Variants in LINGO1 observed in about 807,000 individuals in gnomAD.
The protein encoded by LINGO1 is leucine-rich repeat and immunoglobulin-like domain-containing nogo receptor-interacting protein 1.
A neutral mutation model predicts 37.3 loss-of-function variants in LINGO1; 11 were observed. The observed-to-expected ratio is 0.29, with a 90% CI of 0.19 to 0.49. The LOEUF (loss-of-function observed/expected upper bound fraction) is 0.49, where lower values mean the gene tolerates loss of function less well. Among genes scored for constraint, LINGO1 ranks in the 20% least tolerant of loss-of-function variants. LINGO1 has a pLI of 0.99. For missense variants in LINGO1, 585 were observed against 878.2 expected, an observed-to-expected ratio of 0.67 and a Z score of 4.22; for synonymous variants, 387 against 403.0, an observed-to-expected ratio of 0.96 and a Z score of 0.48.
intron 2 of LINGO1, among the ~76,000 whole-genome samples, chr15:77,702,133 C>T (rs907571944): frequency 6.6e-6 from 1 of 152,166 alleles, no homozygotes; most frequent in Admixed American, 6.5e-5. Flanking sequence ...AAGGCTTTTG[C>T]ACCTGGGAGA....
intron 3 of LINGO1, among the ~76,000 whole-genome samples, chr15:77,657,619 C>T (rs1317830615): frequency 2.0e-5 from 3 of 152,158 alleles, no homozygotes; most frequent in Admixed American, 6.5e-5. Flanking sequence ...GGTCACACAG[C>T]GAGCCTGGGG....
chr15:77,663,744 C>T (rs1017783433), intron 3 of LINGO1, among the ~76,000 whole-genome samples: 2 of 152,184 alleles, frequency 1.3e-5, no homozygotes, highest in African/African-American at 2.4e-5. Flanking sequence ...ACCACTCTGC[C>T]GCTCATATCC....
At chr15:77,616,606 G>A (rs1280223954) in intron 1 of LINGO1, among the ~76,000 whole-genome samples, 1 of 152,158 alleles carries the variant, frequency 6.6e-6, no homozygotes, top group Non-Finnish European at 1.5e-5. Flanking sequence ...GCCCAGCCCT[G>A]AAGCTGCCCT....
intron 1 of LINGO1, among the ~76,000 whole-genome samples, chr15:77,817,613 G>A (rs1032750299): frequency 7.2e-5 from 11 of 152,240 alleles, no homozygotes; most frequent in East Asian, 1.9e-4. Context: ...AGGTCCCACA[G>A]GTCAGGAGCT....
intron 3 of LINGO1, chr15:77,649,098 G>A (rs1341174766): frequency 6.6e-6 from 1 of 152,260 alleles, no homozygotes; most frequent in African/African-American, 2.4e-5. Context: ...CAAGCTAAGA[G>A]AGATCATCTG....
At chr15:77,680,754 C>T (rs893159518) in intron 2 of LINGO1, among the ~76,000 whole-genome samples, 3 of 152,142 alleles carry the variant, frequency 2.0e-5, no homozygotes, top group African/African-American at 7.2e-5. Flanking sequence ...AGACCAGCTC[C>T]CAGAAAGGCT....
intron 2 of LINGO1, among the ~76,000 whole-genome samples, chr15:77,688,503 G>A (rs1263007131): frequency 2.0e-5 from 3 of 151,924 alleles, no homozygotes; most frequent in Non-Finnish European, 4.4e-5. Flanking sequence ...GACCCTCGGA[G>A]GGCAGAGTGG....
At chr15:77,686,635 G>C (rs1360289126) in intron 2 of LINGO1, among the ~76,000 whole-genome samples, 1 of 152,188 alleles carries the variant, frequency 6.6e-6, no homozygotes, top group Admixed American at 6.5e-5. Context: ...GTTCTGGGGG[G>C]TCACAGTCAG....
At chr15:77,693,739 A>C (rs1056198525) in intron 1 of LINGO1, among the ~76,000 whole-genome samples, 3 of 152,150 alleles carry the variant, frequency 2.0e-5, no homozygotes, top group African/African-American at 7.2e-5. Flanking sequence ...GGGAGGAAAC[A>C]GATTCGGGCA....
chr15:77,652,584 G>A (rs191383894), intron 3 of LINGO1, among the ~76,000 whole-genome samples: 2 of 150,618 alleles, frequency 1.3e-5, no homozygotes, highest in Admixed American at 1.3e-4. Context: ...TCCAGGTGAC[G>A]TCTGTCACTC....
At chr15:77,802,789 T>G (rs368633694) in intron 1 of LINGO1, among the ~76,000 whole-genome samples, 1 of 151,964 alleles carries the variant, frequency 6.6e-6, no homozygotes. Context: ...CTCACCCATG[T>G]TCCATCTGCA....
intron 1 of LINGO1, among the ~76,000 whole-genome samples, chr15:77,765,733 C>T (rs1031398883): frequency 3.3e-5 from 5 of 152,212 alleles, no homozygotes; most frequent in East Asian, 1.9e-4. Context: ...TGAGTTTGTA[C>T]GCTGAATTTC....
chr15:77,689,878 CAAG>C (rs1430661979), intron 2 of LINGO1, among the ~76,000 whole-genome samples: 1 of 152,114 alleles, frequency 6.6e-6, no homozygotes, highest in Non-Finnish European at 1.5e-5. Flanking sequence ...GAGGGGGAAG[CAAG>C]AAGGGGAAGG....
chr15:77,635,657 C>T (rs553812492), upstream of LINGO1, among the ~76,000 whole-genome samples: 168 of 152,342 alleles, frequency 1.1e-3, no homozygotes, highest in Admixed American at 2.4e-3. Context: ...GGTGGCGTGC[C>T]TTTTCCCTGA....
chr15:77,776,556 G>GGCAGGAAAGCAGGAAGGCAGGAACGCA (rs1307931922), intron 1 of LINGO1, among the ~76,000 whole-genome samples: 1 of 150,660 alleles, frequency 6.6e-6, no homozygotes, highest in Non-Finnish European at 1.5e-5. Context: ...GAGGGAGGGA[G>GGCAGGAAAGCAGGAAGGCAGGAACGCA]GGAGCTGACT....
chr15:77,736,795 A>G (rs976838710), intron 1 of LINGO1, among the ~76,000 whole-genome samples: 14 of 152,162 alleles, frequency 9.2e-5, no homozygotes, highest in African/African-American at 3.4e-4. Context: ...AACCAAAAAG[A>G]AAGAAAAGAA....
chr15:77,645,458 C>T lies in LINGO1; in HGVS notation c.-12-29558G>A, dbSNP rs79365045. On this transcript the variant is annotated intron_variant, in intron 3 of 3. Transcript: ENST00000559893. ...CTCTTTCTAGGCTTAAACTTGGCAGCAGAGTCCCATTTACTTAACGTGCTG... is the reference window on the plus strand; with the variant it reads ...CTCTTTCTAGGCTTAAACTTGGCAGTAGAGTCCCATTTACTTAACGTGCTG... Among the ~76,000 whole-genome samples the T allele has an allele frequency of 2.3e-3, 354 of 152,368 alleles. 5 individuals are homozygous for T. Among genetic ancestry groups the T allele is most frequent in the South Asian group, 0.023 (112 of 4,828 alleles).
At chr15:77,623,451 ATGGC>A (rs1679170603) in intron 1 of LINGO1, among the ~76,000 whole-genome samples, 3 of 152,216 alleles carry the variant, frequency 2.0e-5, no homozygotes, top group Non-Finnish European at 4.4e-5. Flanking sequence ...ATGGCTGATA[ATGGC>A]ATAAGGTAGG....
chr15:77,699,551 C>T (rs76604485), upstream of LINGO1, among the ~76,000 whole-genome samples: 1 of 4,838 alleles, frequency 2.1e-4, no homozygotes, highest in East Asian at 6.8e-3. Context: ...GCATACTAAC[C>T]ATCCCTGCAC....
Sources: allele counts gnomAD v4.1 joint callset (sites outside exome capture counted in the v4.1 genomes callset), GRCh38; gene constraint gnomAD v4.1.1; transcripts MANE v1.5; gene names NCBI Gene and HGNC (gene_info 2026-07-23, HGNC 2026-07-21).